OPCML: variants seen among roughly 807,000 people sequenced by gnomAD.
The protein encoded by OPCML is opioid binding protein/cell adhesion molecule like.
In OPCML, 13 loss-of-function variants were observed where a neutral mutation model predicts 37.8. The observed-to-expected ratio is 0.34, with a 90% CI of 0.22 to 0.55. OPCML has a LOEUF of 0.55. Ranked by LOEUF, OPCML falls within the 20% of genes least tolerant of loss-of-function variation. The pLI is 0.91. For missense variants in OPCML, 341 were observed against 435.6 expected, an observed-to-expected ratio of 0.78 and a Z score of 1.93; for synonymous variants, 176 against 168.8, an observed-to-expected ratio of 1.04 and a Z score of -0.33.
intron 2 of OPCML, among the ~76,000 whole-genome samples, chr11:132,927,047 G>T (rs1945019831): frequency 6.6e-6 from 1 of 152,014 alleles, no homozygotes; most frequent in Admixed American, 6.6e-5. Context: ...AAGCCTAAGG[G>T]ACTTAAGAAA....
intron 2 of OPCML, among the ~76,000 whole-genome samples, chr11:132,917,896 C>T (rs1380846615): frequency 2.0e-5 from 3 of 152,168 alleles, no homozygotes; most frequent in African/African-American, 4.8e-5. Flanking sequence ...GAGACTAGAT[C>T]CACTGGGTCT....
chr11:133,386,545 A>C (rs988999315), intron 1 of OPCML, among the ~76,000 whole-genome samples: 1 of 152,196 alleles, frequency 6.6e-6, no homozygotes, highest in Non-Finnish European at 1.5e-5. Flanking sequence ...CTGCAGTCTG[A>C]GAACAAAGAC....
chr11:133,027,681 GGTGT>G (rs985482825), intron 1 of OPCML, among the ~76,000 whole-genome samples: 5 of 98,000 alleles, frequency 5.1e-5, no homozygotes, highest in African/African-American at 1.9e-4. Context: ...TGCATGGGAT[GGTGT>G]GTGTGGGTGG....
intron 1 of OPCML, among the ~76,000 whole-genome samples, chr11:133,109,248 T>C (rs1484832148): frequency 2.0e-5 from 3 of 152,162 alleles, no homozygotes; most frequent in African/African-American, 4.8e-5. Flanking sequence ...CTCTTAAATA[T>C]GGCACGGACC....
Position 133,458,740 on chromosome 11 carries a change from C to CAT in OPCML, c.61+73523_61+73524insAT, listed in dbSNP as rs1638309477. Among the ~76,000 whole-genome samples the CAT allele has an allele frequency of 1.9e-5, 2 of 102,648 alleles. 1 individual carries two copies. Among genetic ancestry groups the CAT allele is most frequent in the African/African-American group, 1.4e-4 (2 of 14,006 alleles). The allele number at this position is 102,648 out of a possible 152,430, so 67.3% of individuals were successfully genotyped here. On this transcript the variant is annotated intron_variant, in intron 1 of 7. Coordinates refer to ENST00000524381, the MANE Select transcript of OPCML (RefSeq NM_001012393.5). ...GTGTGTATATATACACATAGATGCA[C>CAT]GTGTGTGTATATATACACATAGATG...
At chr11:132,816,475 T>C (rs961165844) in intron 2 of OPCML, among the ~76,000 whole-genome samples, 3 of 152,220 alleles carry the variant, frequency 2.0e-5, no homozygotes, top group African/African-American at 7.2e-5. Context: ...TGATTTGTTT[T>C]CAACCATTTA....
At chr11:133,300,617 A>G (rs180977681) in intron 1 of OPCML, 1 of 152,304 alleles carries the variant, frequency 6.6e-6, no homozygotes, top group Non-Finnish European at 1.5e-5. Flanking sequence ...GCGGAATAAT[A>G]TCTTCTAAAG....
intron 2 of OPCML, among the ~76,000 whole-genome samples, chr11:132,923,083 T>TAAAA (rs1565967304): frequency 1.9e-4 from 22 of 117,398 alleles, no homozygotes; most frequent in Non-Finnish European, 2.8e-4. Context: ...CAGAAAAAAA[T>TAAAA]AAATAAATAA....
At chr11:132,491,005 T>G (rs1179901356) in intron 4 of OPCML, among the ~76,000 whole-genome samples, 1 of 151,946 alleles carries the variant, frequency 6.6e-6, no homozygotes, top group African/African-American at 2.4e-5. Context: ...CACTTTTGAG[T>G]CCTCTCTTTC....
In OPCML at chr11:133,031,851, C is replaced by A. The variant is rs117120454; in HGVS notation, c.62-88841G>T. Reference sequence around the variant, plus strand: ...AGCTTTCAAATGAGCACTTCAAGACCTCTCAACAAGAATAAAAATACAAGT... The same window carrying A: ...AGCTTTCAAATGAGCACTTCAAGACATCTCAACAAGAATAAAAATACAAGT... On this transcript the variant is annotated intron_variant, in intron 1 of 7. Coordinates refer to ENST00000524381, the MANE Select transcript of OPCML (RefSeq NM_001012393.5). Among the ~76,000 whole-genome samples, 1,414 of 152,234 alleles carry A rather than the reference C, an allele frequency of 9.3e-3. 11 individuals carry two copies. The highest frequency in any genetic ancestry group is 0.016 in the South Asian group (79 of 4,810).
chr11:133,046,294 T>C (rs759567754), intron 1 of OPCML, among the ~76,000 whole-genome samples: 34 of 152,192 alleles, frequency 2.2e-4, no homozygotes, highest in Non-Finnish European at 4.6e-4. Flanking sequence ...AGGCAGTGTG[T>C]TTACAGAGAC....
At chr11:133,156,420 C>T (rs1306727736) in intron 1 of OPCML, among the ~76,000 whole-genome samples, 2 of 152,190 alleles carry the variant, frequency 1.3e-5, no homozygotes, top group Non-Finnish European at 2.9e-5. Context: ...CGAGCCCCTT[C>T]CTGACCCTTC....
At chr11:132,494,468 A>T (rs949191999) in intron 4 of OPCML, among the ~76,000 whole-genome samples, 1 of 151,976 alleles carries the variant, frequency 6.6e-6, no homozygotes, top group East Asian at 1.9e-4. Flanking sequence ...AAAAACAGGG[A>T]TTTCTTCCCT....
chr11:133,111,075 C>T (rs1333720196), intron 1 of OPCML, among the ~76,000 whole-genome samples: 2 of 152,160 alleles, frequency 1.3e-5, no homozygotes, highest in East Asian at 1.9e-4. Context: ...TGAGGTGTTT[C>T]TGGGTCAAAG....
In OPCML at chr11:132,832,445, G is replaced by A. The variant is rs138023876; in HGVS notation, c.146+110481C>T. Among the ~76,000 whole-genome samples, 862 of 152,042 alleles carry A rather than the reference G, an allele frequency of 5.7e-3. 6 individuals are homozygous for A. Among genetic ancestry groups the A allele is most frequent in the African/African-American group, 0.02 (811 of 41,470 alleles). On this transcript the variant is annotated intron_variant, in intron 2 of 7. Transcript: ENST00000524381. ...CAAAGAATAGATATCCTTCATTTAC[G>A]GACAATTATTCTGCTTATCTGGGCC...
intron 1 of OPCML, among the ~76,000 whole-genome samples, chr11:133,390,186 C>T (rs1189366033): frequency 2.0e-5 from 3 of 152,310 alleles, no homozygotes; most frequent in South Asian, 2.1e-4. Flanking sequence ...AGGCCGAACG[C>T]GGTGGCTCAC....
intron 1 of OPCML, among the ~76,000 whole-genome samples, chr11:133,327,900 T>C (rs575583840): frequency 1.3e-5 from 2 of 152,284 alleles, no homozygotes; most frequent in African/African-American, 4.8e-5. Flanking sequence ...GCTCGCACTG[T>C]AAATATGAGT....
chr11:132,787,503 T>TA (rs1329206846), intron 2 of OPCML, among the ~76,000 whole-genome samples: 1 of 152,144 alleles, frequency 6.6e-6, no homozygotes, highest in East Asian at 1.9e-4. Context: ...ATAATGGGGA[T>TA]AATAGCCTGG....
In OPCML at chr11:132,816,369, T is replaced by G. The variant is rs551868946; in HGVS notation, c.146+126557A>C. Among the ~76,000 whole-genome samples the G allele has an allele frequency of 3.9e-5, 6 of 152,352 alleles. No individual in the cohort carries two copies. The South Asian group carries it at 1.2e-3, about 32-fold the overall frequency. On this transcript the variant is annotated intron_variant, in intron 2 of 7. Transcript: ENST00000524381. ...ATTTAAAAATATCTCCGAGGCATTA[T>G]GTAAGTGAATGTGACTGTGTACCAA... is the stretch of plus-strand genomic sequence containing the variant.
Sources: gnomAD v4.1 joint callset for allele counts (sites outside exome capture counted in the v4.1 genomes callset) on GRCh38, gnomAD v4.1.1 for gene constraint, MANE v1.5 for transcripts, NCBI Gene and HGNC (gene_info 2026-07-23, HGNC 2026-07-21) for gene names.